MIB1: variants seen among roughly 807,000 people sequenced by gnomAD.
MIB1 encodes the protein E3 ubiquitin-protein ligase MIB1.
A neutral mutation model predicts 124.5 loss-of-function variants in MIB1; 278 were observed. The observed-to-expected ratio is 2.23, with a 90% CI of 2.02 to 2.47. The LOEUF (loss-of-function observed/expected upper bound fraction) is 2.47. Ranked by LOEUF, MIB1 falls within the 30% of genes most tolerant of loss-of-function variation. The pLI is 0.00. For missense variants in MIB1, 957 were observed against 1,254.4 expected (o/e 0.76, Z 3.58); for synonymous variants, 446 against 429.4 (o/e 1.04, Z -0.48).
chr18:21,733,807 G>C (rs1464406645), intron 1 of MIB1, among the ~76,000 whole-genome samples: 2 of 151,728 alleles, frequency 1.3e-5, no homozygotes, highest in African/African-American at 4.8e-5. Context: ...CCAGGTTCAA[G>C]AGATTCTCCT....
chr18:21,746,070 A>C (rs986894630), intron 1 of MIB1, among the ~76,000 whole-genome samples: 12 of 152,222 alleles, frequency 7.9e-5, no homozygotes, highest in African/African-American at 2.7e-4. Flanking sequence ...TATATTTATC[A>C]GAGGGAGAAC....
chr18:21,841,683 A>G (rs2042090458), intron 13 of MIB1, among the ~76,000 whole-genome samples: 1 of 152,168 alleles, frequency 6.6e-6, no homozygotes, highest in African/African-American at 2.4e-5. Flanking sequence ...AAAGTTTGAC[A>G]TATATTTATC....
In MIB1 at chr18:21,864,516, C is replaced by G; in HGVS notation, c.2881-10C>G. 6.2e-7 allele frequency: 1 copy of G among 1,602,136 alleles called. No individual in the cohort carries two copies. Among genetic ancestry groups the G allele is most frequent in the African/African-American group, 1.3e-5 (1 of 74,870 alleles). On this transcript the variant is annotated splice_polypyrimidine_tract_variant and intron_variant, in intron 20 of 20. Coordinates refer to ENST00000261537, the MANE Select transcript of MIB1 (RefSeq NM_020774.4). ...TGTCTAATTTATTACTTTGTTATCT[C>G]ACATTACAGACAATGTGCCCTGTGT...
At chr18:21,847,673 A>G (rs1020101140) in intron 16 of MIB1, among the ~76,000 whole-genome samples, 1 of 151,934 alleles carries the variant, frequency 6.6e-6, no homozygotes, top group African/African-American at 2.4e-5. Context: ...GGCAACTTAT[A>G]CTCCATGAAC....
At chr18:21,802,422 A>C (rs2041660255) in intron 9 of MIB1, among the ~76,000 whole-genome samples, 2 of 150,314 alleles carry the variant, frequency 1.3e-5, no homozygotes, top group South Asian at 4.2e-4. Context: ...GAGGTTCCTT[A>C]ACTTAATTTT....
At chr18:21,800,036 C>G (rs2041633280) in intron 9 of MIB1, 62 bp downstream of exon 9, 3 of 1,335,890 alleles carry the variant, frequency 2.2e-6, no homozygotes, top group Non-Finnish European at 3.1e-6. Flanking sequence ...TGAACCTTAT[C>G]CTCAACAATT....
At chr18:21,770,239 A>G (rs1339763703) in intron 3 of MIB1, among the ~76,000 whole-genome samples, 1 of 152,218 alleles carries the variant, frequency 6.6e-6, no homozygotes, top group East Asian at 1.9e-4. Context: ...ATGAAGAAAA[A>G]GAAATGAAAC....
chr18:21,796,512 A>G (rs1234412771), intron 7 of MIB1, among the ~76,000 whole-genome samples: 1 of 152,162 alleles, frequency 6.6e-6, no homozygotes, highest in African/African-American at 2.4e-5. Context: ...ATGTATAGCT[A>G]TGTAACAAAC....
intron 1 of MIB1, among the ~76,000 whole-genome samples, chr18:21,745,414 C>G (rs1360565779): frequency 3.3e-5 from 5 of 152,186 alleles, no homozygotes; most frequent in African/African-American, 1.2e-4. Context: ...TGTGGCAACC[C>G]ACAATATCTC....
chr18:21,776,835 G>A (rs1321994893), intron 4 of MIB1, among the ~76,000 whole-genome samples: 2 of 151,862 alleles, frequency 1.3e-5, no homozygotes, highest in African/African-American at 2.4e-5. Context: ...ATATTAGTTG[G>A]GTGTGGTGGC....
At chr18:21,783,417 A>AT (rs1428555764) in intron 6 of MIB1, among the ~76,000 whole-genome samples, 1 of 151,592 alleles carries the variant, frequency 6.6e-6, no homozygotes, top group African/African-American at 2.4e-5. Flanking sequence ...TAATTTTTGT[A>AT]TTTTTAGTAG....
intron 16 of MIB1, among the ~76,000 whole-genome samples, chr18:21,848,903 T>C (rs1489128720): frequency 6.6e-6 from 1 of 152,182 alleles, no homozygotes. Context: ...ATTTTGTTTA[T>C]GCTAAGTTTT....
chr18:21,839,658 C>G (rs1375267785), intron 13 of MIB1, among the ~76,000 whole-genome samples: 1 of 152,144 alleles, frequency 6.6e-6, no homozygotes, highest in African/African-American at 2.4e-5. Context: ...GCCACCATGC[C>G]TGGCTTTTAT....
At chr18:21,853,058 AC>A in intron 17 of MIB1, 81 bp from the exon 18 acceptor site, 1 of 888,900 alleles carries the variant, frequency 1.1e-6, no homozygotes, top group South Asian at 1.4e-5. Context: ...CAGAGGAAAT[AC>A]ATTTGGATAT....
At chr18:21,777,554 T>A (rs2041305150) in intron 4 of MIB1, among the ~76,000 whole-genome samples, 1 of 152,152 alleles carries the variant, frequency 6.6e-6, no homozygotes, top group African/African-American at 2.4e-5. Context: ...CATTTTATTT[T>A]ATTTATTTAT....
chr18:21,778,553 G>A (rs991122732), intron 5 of MIB1, among the ~76,000 whole-genome samples: 2 of 151,836 alleles, frequency 1.3e-5, no homozygotes, highest in African/African-American at 4.8e-5. Context: ...CCTAAGTACA[G>A]CTCCAAGATT....
chr18:21,794,125 A>G (rs536174081), intron 7 of MIB1: 63 of 152,334 alleles, frequency 4.1e-4, no homozygotes, highest in African/African-American at 1.5e-3. Context: ...TAGCCACTGC[A>G]CTTTAGCCTG....
intron 1 of MIB1, among the ~76,000 whole-genome samples, chr18:21,732,805 G>A (rs3017036): frequency 3.9e-5 from 6 of 152,042 alleles, no homozygotes; most frequent in Admixed American, 2.6e-4. Flanking sequence ...CCTTCAAAAC[G>A]CTCACAAAAT....
At position 21,765,819 on chromosome 18, in the gene MIB1, A is replaced by G. The variant is rs777278397; in HGVS notation, c.277A>G (p.Ile93Val). 3 of 1,614,048 alleles carry G rather than the reference A, an allele frequency of 1.9e-6. No individual in the cohort carries two copies. Among genetic ancestry groups the G allele is most frequent in the African/African-American group, 1.3e-5 (1 of 74,928 alleles). ...GTGTGATACCTGCCGCCAGCAACCA[A>G]TCATTGGCATTCGATGGAAGTGTGC... ...TMCDTCRQQP[I>V]IGIRWKCAEC... Residue 93 changes from isoleucine to valine, a missense_variant, in exon 2 of 21, where the codon ATC becomes GTC. Physicochemically the swap from Ile to Val is conservative, Grantham distance 29. Coordinates refer to ENST00000261537, the MANE Select transcript of MIB1 (RefSeq NM_020774.4).
Sources: gnomAD v4.1 joint callset for allele counts (sites outside exome capture counted in the v4.1 genomes callset) on GRCh38, gnomAD v4.1.1 for gene constraint, MANE v1.5 for transcripts, NCBI Gene and HGNC (gene_info 2026-07-23, HGNC 2026-07-21) for gene names.